CREB5: variants seen among roughly 807,000 people sequenced by gnomAD.
The protein encoded by CREB5 is cAMP responsive element binding protein 5.
Under a neutral mutation model 57.1 loss-of-function variants are expected in CREB5, and 19 were observed. The observed-to-expected ratio is 0.33, with a 90% confidence interval of 0.23 to 0.49. The LOEUF (loss-of-function observed/expected upper bound fraction) is 0.49, where lower values mean the gene tolerates loss of function less well. CREB5 is among the 20% of genes least tolerant of loss of function. The pLI, the probability that CREB5 is intolerant of heterozygous loss-of-function variation, is 0.99. For missense variants in CREB5, 579 were observed against 671.6 expected (o/e 0.86, Z 1.52); for synonymous variants, 238 against 238.3 (o/e 1.00, Z 0.01).
intron 1 of CREB5, among the ~76,000 whole-genome samples, chr7:28,457,869 A>G (rs1378877438): frequency 6.6e-6 from 1 of 152,134 alleles, no homozygotes; most frequent in Non-Finnish European, 1.5e-5. Context: ...AGTCCTGTTG[A>G]GAGATTTGCA....
At chr7:28,364,034 TA>T (rs1322440324) in intron 1 of CREB5, among the ~76,000 whole-genome samples, 3 of 152,240 alleles carry the variant, frequency 2.0e-5, no homozygotes, top group Non-Finnish European at 4.4e-5. Context: ...ACTGAAGTTT[TA>T]GTTAGTTGAA....
chr7:28,762,999 G>A (rs375955659), intron 7 of CREB5, among the ~76,000 whole-genome samples: 49 of 152,182 alleles, frequency 3.2e-4, no homozygotes, highest in East Asian at 3.1e-3. Context: ...CATTTACCCA[G>A]ACAAGACACA....
intron 1 of CREB5, among the ~76,000 whole-genome samples, chr7:28,329,285 T>C (rs769832384): frequency 3.3e-5 from 5 of 152,170 alleles, no homozygotes; most frequent in Non-Finnish European, 5.9e-5. Flanking sequence ...ATGCGCTTCA[T>C]CACTACAGAA....
intron 5 of CREB5, among the ~76,000 whole-genome samples, chr7:28,629,313 C>G (rs889658084): frequency 2.0e-5 from 3 of 152,146 alleles, no homozygotes; most frequent in Non-Finnish European, 2.9e-5. Flanking sequence ...AATTTATTAC[C>G]CAGTCCTCCT....
chr7:28,782,542 A>G (rs1309955481), intron 7 of CREB5, among the ~76,000 whole-genome samples: 3 of 152,228 alleles, frequency 2.0e-5, no homozygotes, highest in African/African-American at 4.8e-5. Context: ...CTTCCTTCCC[A>G]TTTTTGAAAG....
chr7:28,665,856 A>G (rs891745595), intron 5 of CREB5, among the ~76,000 whole-genome samples: 2 of 152,094 alleles, frequency 1.3e-5, no homozygotes, highest in South Asian at 4.1e-4. Context: ...CTAAATTCTG[A>G]GGTTAACTTA....
rs1323525892 is a variant in CREB5, at chr7:28,822,978, A to G, written c.*3699A>G. The G allele has an allele frequency of 6.6e-6, 1 of 152,614 alleles. No individual in the cohort carries two copies. Among genetic ancestry groups the G allele is most frequent in the Non-Finnish European group, 1.5e-5 (1 of 68,038 alleles). The allele number at this position is 152,614 out of a possible 1,614,324, so 9.5% of individuals were successfully genotyped here. On this transcript the variant is annotated 3_prime_UTR_variant, in exon 11 of 11. Coordinates refer to ENST00000357727, the MANE Select transcript of CREB5 (RefSeq NM_182898.4). ...ATAGTAATTAGGGTGACTTAGAGCA[A>G]ATACTCTTCAGATCCTATGTAGTCA... is the stretch of plus-strand genomic sequence containing the variant.
intron 7 of CREB5, among the ~76,000 whole-genome samples, chr7:28,801,794 G>T (rs1808379310): frequency 6.6e-6 from 1 of 152,026 alleles, no homozygotes; most frequent in South Asian, 2.1e-4. Context: ...TTTCTGTTTA[G>T]AAGTAAACAT....
intron 5 of CREB5, among the ~76,000 whole-genome samples, chr7:28,587,963 TAC>T (rs1796362145): frequency 6.6e-6 from 1 of 152,220 alleles, no homozygotes; most frequent in Non-Finnish European, 1.5e-5. Flanking sequence ...TACATTAGTG[TAC>T]CCAAGTATGC....
At position 28,539,079 on chromosome 7, in the gene CREB5, T is replaced by C. The variant is rs151117443; in HGVS notation, c.292-31286T>C. Among the ~76,000 whole-genome samples the C allele has an allele frequency of 5.3e-3, 813 of 152,372 alleles. 8 individuals carry two copies. Among genetic ancestry groups the C allele is most frequent in the African/African-American group, 0.018 (731 of 41,590 alleles). On this transcript the variant is annotated intron_variant, in intron 4 of 10. Coordinates refer to ENST00000357727, the MANE Select transcript of CREB5 (RefSeq NM_182898.4). ...TTTCTATACATCTACTGGAAAGTTA[T>C]TGCATACATCACTGGAAAGTTGCTT...
At chr7:28,789,648 T>C (rs1325019319) in intron 7 of CREB5, among the ~76,000 whole-genome samples, 1 of 152,200 alleles carries the variant, frequency 6.6e-6, no homozygotes, top group Non-Finnish European at 1.5e-5. Context: ...AAGAGCACAT[T>C]TGTAGGGCTT....
At chr7:28,373,161 A>G (rs545162750) in intron 1 of CREB5, among the ~76,000 whole-genome samples, 1 of 152,306 alleles carries the variant, frequency 6.6e-6, no homozygotes, top group Admixed American at 6.5e-5. Flanking sequence ...CCTCTCATGG[A>G]GTAAATTCAG....
chr7:28,619,513 T>A (rs943781114), intron 5 of CREB5, among the ~76,000 whole-genome samples: 3 of 152,180 alleles, frequency 2.0e-5, no homozygotes, highest in African/African-American at 7.2e-5. Flanking sequence ...ACAGGCACCA[T>A]CCTCTTCAGT....
At chr7:28,819,048 G>T in intron 10 of CREB5, 68 bp from the exon 11 acceptor site, 1 of 1,513,610 alleles carries the variant, frequency 6.6e-7, no homozygotes, top group East Asian at 2.3e-5. Flanking sequence ...GAGTCCACAA[G>T]TCCATACAAA....
chr7:28,450,953 G>A (rs117870538), intron 1 of CREB5, among the ~76,000 whole-genome samples: 95 of 152,318 alleles, frequency 6.2e-4, no homozygotes, highest in Non-Finnish European at 1.2e-3. Context: ...GGTCTAGAAG[G>A]AACTCTAGGT....
intron 7 of CREB5, among the ~76,000 whole-genome samples, chr7:28,762,725 G>GTT (rs59288466): frequency 6.8e-6 from 1 of 146,214 alleles, no homozygotes; most frequent in Non-Finnish European, 1.5e-5. Context: ...CTTGGCTATG[G>GTT]TTTTTTTTTT....
At position 28,821,125 on chromosome 7, in the gene CREB5, A is replaced by AAT. The variant is rs1809739607; in HGVS notation, c.*1847_*1848dup. 1 of 59,870 alleles carries AAT rather than the reference A, an allele frequency of 1.7e-5. No individual in the cohort carries two copies. Among genetic ancestry groups the AAT allele is most frequent in the African/African-American group, 7.7e-5 (1 of 13,004 alleles). The allele number at this position is 59,870 out of a possible 1,614,324, so 3.7% of individuals were successfully genotyped here. A position where few individuals can be genotyped will look rare whatever the true frequency, so the allele number is the denominator to read the frequency against. ...TCTCCATTTGAATGCTTGACCTCTT[A>AAT]ATGTGTGTGTGTGTGTGTGTGTGTG... On this transcript the variant is annotated 3_prime_UTR_variant, in exon 11 of 11. Coordinates refer to ENST00000357727, the MANE Select transcript of CREB5 (RefSeq NM_182898.4).
At chr7:28,604,025 A>G (rs1450856720) in intron 5 of CREB5, among the ~76,000 whole-genome samples, 2 of 152,188 alleles carry the variant, frequency 1.3e-5, no homozygotes, top group African/African-American at 4.8e-5. Flanking sequence ...CATCTGTGTG[A>G]CACTTGAAAG....
intron 4 of CREB5, among the ~76,000 whole-genome samples, chr7:28,542,864 C>A (rs1794260560): frequency 6.6e-6 from 1 of 152,088 alleles, no homozygotes; most frequent in Admixed American, 6.6e-5. Context: ...AATGTTAAAT[C>A]TTGTTAAAAA....
Sources: gnomAD v4.1 joint callset for allele counts (sites outside exome capture counted in the v4.1 genomes callset) on GRCh38, gnomAD v4.1.1 for gene constraint, MANE v1.5 for transcripts, NCBI Gene and HGNC (gene_info 2026-07-23, HGNC 2026-07-21) for gene names.